Variants in C2orf66 observed in about 807,000 individuals in gnomAD.
The protein encoded by C2orf66 is chromosome 2 open reading frame 66.
A neutral mutation model predicts 7.0 loss-of-function variants in C2orf66; 6 were observed. The observed-to-expected ratio is 0.86, with a 90% CI of 0.47 to 1.69. The LOEUF (loss-of-function observed/expected upper bound fraction) is 1.69. Among genes scored for constraint, C2orf66 ranks in the 40% most tolerant of loss-of-function variants. The probability of loss-of-function intolerance (pLI) is 0.01; values close to 1 mark genes in which losing one functional copy is unlikely to be tolerated. For synonymous variants in C2orf66, 38 were observed against 43.8 expected, an observed-to-expected ratio of 0.87 and a Z score of 0.52; for missense variants, 107 against 112.0, an observed-to-expected ratio of 0.96 and a Z score of 0.20.
chr2:196,820,695 A>G, the C2orf66 span, among the ~76,000 whole-genome samples: 1 of 152,330 alleles, frequency 6.6e-6, no homozygotes, highest in African/African-American at 2.4e-5. Context: ...TTAGGAGTTT[A>G]GGGTTAAGAC....
upstream of C2orf66, chr2:196,809,410 G>C (rs761267413): frequency 6.3e-7 from 1 of 1,587,376 alleles, no homozygotes; most frequent in Non-Finnish European, 8.6e-7. Flanking sequence ...TCAGGGAAGA[G>C]AGAGAGAAAG....
At chr2:196,811,422 C>T (rs1339751983), upstream of C2orf66, among the ~76,000 whole-genome samples, 2 of 151,852 alleles carry the variant, frequency 1.3e-5, no homozygotes, top group Non-Finnish European at 2.9e-5. Context: ...TGGATTAGGG[C>T]GATGTTAGCA....
intron 1 of C2orf66, among the ~76,000 whole-genome samples, chr2:196,808,170 T>G (rs1242520340): frequency 2.6e-5 from 4 of 152,214 alleles, no homozygotes; most frequent in African/African-American, 9.6e-5. Context: ...GGTAACAATC[T>G]TTTATTGAAA....
chr2:196,829,693 A>C, the C2orf66 span, among the ~76,000 whole-genome samples: 1,916 of 151,868 alleles, frequency 0.013, 38 homozygotes, highest in African/African-American at 0.041. Flanking sequence ...GTCTGGAGAT[A>C]AAGACCATCC....
the C2orf66 span, among the ~76,000 whole-genome samples, chr2:196,819,363 A>T: frequency 2.6e-5 from 4 of 152,136 alleles, no homozygotes; most frequent in African/African-American, 9.7e-5. Context: ...GTGCCCTTCT[A>T]AAAGAGACCT....
chr2:196,809,125 A>G (rs755579608), intron 1 of C2orf66, 89 bp downstream of exon 1: 3 of 1,353,396 alleles, frequency 2.2e-6, no homozygotes, highest in Non-Finnish European at 2.0e-6. Flanking sequence ...CCCCCTTTCC[A>G]CTACGTTCTG....
chr2:196,819,465 T>C, the C2orf66 span, among the ~76,000 whole-genome samples: 1 of 152,200 alleles, frequency 6.6e-6, no homozygotes, highest in Non-Finnish European at 1.5e-5. Context: ...CAGAACCCAA[T>C]CTGTGCTGGC....
upstream of C2orf66, among the ~76,000 whole-genome samples, chr2:196,810,571 T>C (rs1422552144): frequency 1.3e-5 from 2 of 152,214 alleles, no homozygotes; most frequent in Non-Finnish European, 2.9e-5. Flanking sequence ...TAGAAAATGG[T>C]AGGCCGAGAA....
chr2:196,811,441 C>T (rs898230146), upstream of C2orf66, among the ~76,000 whole-genome samples: 7 of 152,072 alleles, frequency 4.6e-5, no homozygotes, highest in Admixed American at 2.0e-4. Flanking sequence ...CACAGATGCA[C>T]AGATTATGGG....
At chr2:196,829,696 G>C in the C2orf66 span, among the ~76,000 whole-genome samples, 3 of 151,626 alleles carry the variant, frequency 2.0e-5, no homozygotes, top group African/African-American at 7.3e-5. Context: ...TGGAGATAAA[G>C]ACCATCCTGG....
chr2:196,813,760 G>A (rs539785233), upstream of C2orf66, among the ~76,000 whole-genome samples: 25 of 152,188 alleles, frequency 1.6e-4, no homozygotes, highest in Admixed American at 2.6e-4. Context: ...AAAAAGTGGC[G>A]AAGGATATGA....
At chr2:196,809,359 G>A, upstream of C2orf66, 1 of 1,613,132 alleles carries the variant, frequency 6.2e-7, no homozygotes, top group Non-Finnish European at 8.5e-7. Context: ...CTGAGTGAAA[G>A]AGGGGATGCG....
the C2orf66 span, among the ~76,000 whole-genome samples, chr2:196,821,361 A>C: frequency 6.6e-6 from 1 of 152,200 alleles, no homozygotes; most frequent in African/African-American, 2.4e-5. Flanking sequence ...AAAAGACTAC[A>C]GGGGATGTTG....
At chr2:196,827,032 A>AAAAACAAAACAAAACAAAACAAAAC in the C2orf66 span, among the ~76,000 whole-genome samples, 120 of 151,030 alleles carry the variant, frequency 7.9e-4, no homozygotes, top group African/African-American at 2.8e-3. Flanking sequence ...ACTCTGTCTC[A>AAAAACAAAACAAAACAAAACAAAAC]AAAACAAAAC....
At chr2:196,816,447 A>G in the C2orf66 span, among the ~76,000 whole-genome samples, 2 of 152,242 alleles carry the variant, frequency 1.3e-5, no homozygotes, top group Non-Finnish European at 2.9e-5. Flanking sequence ...GTTATTCACT[A>G]TGGAGAAATC....
chr2:196,814,583 CA>C, the C2orf66 span, among the ~76,000 whole-genome samples: 82 of 150,300 alleles, frequency 5.5e-4, no homozygotes, highest in African/African-American at 1.5e-3. Context: ...AAAAACAAAT[CA>C]AAAAAAAAAT....
chr2:196,822,040 G>A, the C2orf66 span, among the ~76,000 whole-genome samples: 5 of 133,434 alleles, frequency 3.7e-5, no homozygotes, highest in Admixed American at 9.0e-5. Flanking sequence ...TCAGCTTCCC[G>A]AGTGGCTGGG....
chr2:196,811,537 A>G (rs141469665), upstream of C2orf66, among the ~76,000 whole-genome samples: 164 of 152,254 alleles, frequency 1.1e-3, no homozygotes, highest in East Asian at 0.019. Flanking sequence ...TTCAAAACCA[A>G]TTGCTAGGTC....
chr2:196,809,082 A>G (rs920060180), intron 1 of C2orf66, 132 bp downstream of exon 1: 2 of 967,554 alleles, frequency 2.1e-6, no homozygotes, highest in African/African-American at 1.6e-5. Context: ...CTCTGGTCCA[A>G]TCCTGTTGGA....
Sources: gnomAD v4.1 joint callset for allele counts (sites outside exome capture counted in the v4.1 genomes callset) on GRCh38, gnomAD v4.1.1 for gene constraint, MANE v1.5 for transcripts, NCBI Gene and HGNC (gene_info 2026-07-23, HGNC 2026-07-21) for gene names.